Variants in PACS1 observed in about 807,000 individuals in gnomAD.
PACS1 encodes the protein phosphofurin acidic cluster sorting protein 1.
A neutral mutation model predicts 115.0 loss-of-function variants in PACS1; 24 were observed. The observed-to-expected ratio is 0.21, with a 90% CI of 0.15 to 0.29. The LOEUF (loss-of-function observed/expected upper bound fraction) is 0.29, where lower values mean the gene tolerates loss of function less well. PACS1 is among the 10% of genes least tolerant of loss of function. The pLI, the probability that PACS1 is intolerant of heterozygous loss-of-function variation, is 1.00. For missense variants in PACS1, 838 were observed against 1,251.2 expected (o/e 0.67, Z 4.98); for synonymous variants, 453 against 504.5 (o/e 0.90, Z 1.37).
chr11:66,194,843 T>C (rs1482413314), intron 2 of PACS1, among the ~76,000 whole-genome samples: 1 of 152,234 alleles, frequency 6.6e-6, no homozygotes, highest in Non-Finnish European at 1.5e-5. Context: ...TCTATATCAC[T>C]CTCAGTGTGT....
intron 1 of PACS1, among the ~76,000 whole-genome samples, chr11:66,091,471 C>T (rs985435600): frequency 1.3e-5 from 2 of 151,388 alleles, no homozygotes; most frequent in Non-Finnish European, 2.9e-5. Flanking sequence ...CCAAATTCCC[C>T]AGTAGTTTTT....
intron 1 of PACS1, among the ~76,000 whole-genome samples, chr11:66,140,992 C>T (rs146094306): frequency 1.8e-4 from 28 of 152,174 alleles, no homozygotes; most frequent in African/African-American, 6.5e-4. Flanking sequence ...TATGGTTCTA[C>T]CATAATTTAA....
chr11:66,167,724 A>G (rs188072692), intron 1 of PACS1, among the ~76,000 whole-genome samples: 7 of 150,068 alleles, frequency 4.7e-5, no homozygotes, highest in Admixed American at 2.6e-4. Context: ...TGTGGATCCA[A>G]CTTTCCTTTT....
chr11:66,222,265 A>AG (rs1401812374), intron 10 of PACS1, among the ~76,000 whole-genome samples: 1 of 152,122 alleles, frequency 6.6e-6, no homozygotes, highest in Non-Finnish European at 1.5e-5. Flanking sequence ...CGTGCTCAGG[A>AG]GGCCCTAGTA....
At chr11:66,137,833 A>G (rs1046227067) in intron 1 of PACS1, among the ~76,000 whole-genome samples, 1 of 152,184 alleles carries the variant, frequency 6.6e-6, no homozygotes, top group African/African-American at 2.4e-5. Context: ...CATCCCTTCT[A>G]TTCATTGTTT....
intron 1 of PACS1, among the ~76,000 whole-genome samples, chr11:66,087,204 A>T (rs1330765600): frequency 6.6e-6 from 1 of 151,294 alleles, no homozygotes; most frequent in Non-Finnish European, 1.5e-5. Flanking sequence ...TTTGTACTTC[A>T]CACAGTGGAT....
At position 66,110,620 on chromosome 11, in the gene PACS1, C is replaced by T. The variant is rs532733215; in HGVS notation, c.356+39778C>T. Reference sequence around the variant, plus strand: ...AGGGTCTCACTCTGGTTGCCCAGGCCGGAGTGCAGTGATGCGATCTCGGCT... The same window carrying T: ...AGGGTCTCACTCTGGTTGCCCAGGCTGGAGTGCAGTGATGCGATCTCGGCT... On this transcript the variant is annotated intron_variant, in intron 1 of 23. Coordinates refer to ENST00000320580, the MANE Select transcript of PACS1 (RefSeq NM_018026.4). Among the ~76,000 whole-genome samples, 93 of 152,110 alleles carry T rather than the reference C, an allele frequency of 6.1e-4. 1 individual carries two copies. The South Asian group carries it at 7.3e-3, about 12-fold the overall frequency.
At chr11:66,238,885 G>C (rs1855755737) in intron 20 of PACS1, 39 bp downstream of exon 20, 1 of 1,543,614 alleles carries the variant, frequency 6.5e-7, no homozygotes, top group Non-Finnish European at 8.8e-7. Flanking sequence ...AGTGAGGCTG[G>C]TGCCCTCCCT....
chr11:66,237,297 G>A (rs554040), intron 19 of PACS1, among the ~76,000 whole-genome samples: 152,155 of 152,170 alleles, frequency 1, 76,070 homozygotes, highest in South Asian at 1. Flanking sequence ...CTTGGACTCA[G>A]GAGATCCACC....
In PACS1 at chr11:66,133,583, A is replaced by G. The variant is rs148706942; in HGVS notation, c.357-59903A>G. 7.9e-3 allele frequency among the ~76,000 whole-genome samples: 1,210 copies of G among 152,340 alleles called. 23 individuals are homozygous for G. The highest frequency in any genetic ancestry group is 0.027 in the African/African-American group (1,124 of 41,570). ...ATGCCCAGGCTGGGGTGGCGCTATC[A>G]TAGCTCACTGCAGCCTCCGATTCCT... On this transcript the variant is annotated intron_variant, in intron 1 of 23. Coordinates refer to ENST00000320580, the MANE Select transcript of PACS1 (RefSeq NM_018026.4).
intron 19 of PACS1, chr11:66,238,137 C>T: frequency 1.0e-6 from 1 of 985,318 alleles, no homozygotes; most frequent in Non-Finnish European, 1.2e-6. Context: ...CCAGAATTCT[C>T]TATGGAGAAT....
intron 1 of PACS1, among the ~76,000 whole-genome samples, chr11:66,072,430 G>A (rs1423841009): frequency 6.6e-6 from 1 of 152,142 alleles, no homozygotes; most frequent in Non-Finnish European, 1.5e-5. Context: ...CGCTCGCAGG[G>A]TATAGATCTG....
chr11:66,242,028 G>T (rs1477885962), intron 22 of PACS1, among the ~76,000 whole-genome samples: 2 of 152,190 alleles, frequency 1.3e-5, no homozygotes, highest in Non-Finnish European at 2.9e-5. Flanking sequence ...TAGAGAACTT[G>T]CACCCAGCCC....
At chr11:66,076,806 G>A (rs551343701) in intron 1 of PACS1, among the ~76,000 whole-genome samples, 87 of 152,316 alleles carry the variant, frequency 5.7e-4, no homozygotes, top group Non-Finnish European at 1.0e-3. Context: ...CGGAAATTCC[G>A]TGGGAATCTA....
intron 1 of PACS1, among the ~76,000 whole-genome samples, chr11:66,097,688 C>T (rs571293409): frequency 5.9e-4 from 90 of 152,314 alleles, no homozygotes; most frequent in African/African-American, 2.1e-3. Context: ...ATAACTAATA[C>T]GAGCAATATA....
In PACS1 at chr11:66,230,531, C is replaced by T. The variant is rs1390962977; in HGVS notation, c.1375-17C>T. The T allele has an allele frequency of 1.3e-6, 2 of 1,588,552 alleles. No homozygotes were observed. Among genetic ancestry groups the T allele is most frequent in the Non-Finnish European group, 1.7e-6 (2 of 1,156,790 alleles). ...GAGTGGGAGGTCATCTTCACTGTTT[C>T]CTCTCCTCCATGGTAGGAAATCACT... On this transcript the variant is annotated splice_polypyrimidine_tract_variant and intron_variant, in intron 11 of 23. Transcript: ENST00000320580.
At chr11:66,177,849 G>A (rs891848774) in intron 1 of PACS1, among the ~76,000 whole-genome samples, 1 of 151,972 alleles carries the variant, frequency 6.6e-6, no homozygotes, top group Non-Finnish European at 1.5e-5. Context: ...TTTAAGAGTG[G>A]GAACTTTGCG....
intron 1 of PACS1, among the ~76,000 whole-genome samples, chr11:66,082,473 A>G (rs963309619): frequency 1.3e-5 from 2 of 152,156 alleles, no homozygotes; most frequent in African/African-American, 2.4e-5. Flanking sequence ...TTGGGATTAC[A>G]GGTGTGAGCC....
At chr11:66,153,462 T>C (rs1049968052) in intron 1 of PACS1, among the ~76,000 whole-genome samples, 2 of 152,104 alleles carry the variant, frequency 1.3e-5, no homozygotes, top group African/African-American at 4.8e-5. Context: ...TTGGGCAACA[T>C]GGTGAGACCT....
Sources: allele counts gnomAD v4.1 joint callset (sites outside exome capture counted in the v4.1 genomes callset), GRCh38; gene constraint gnomAD v4.1.1; transcripts MANE v1.5; gene names NCBI Gene and HGNC (gene_info 2026-07-23, HGNC 2026-07-21).